The following AGO2 variants were observed in gnomAD, a reference collection of about 807,000 sequenced individuals.
AGO2 encodes the protein protein argonaute-2.
Under a neutral mutation model 102.3 loss-of-function variants are expected in AGO2, and 5 were observed. That is an observed-to-expected ratio of 0.05 (90% CI 0.03 to 0.10). The LOEUF (loss-of-function observed/expected upper bound fraction) is 0.10. Ranked by LOEUF, AGO2 falls within the 10% of genes least tolerant of loss-of-function variation. The pLI, the probability that AGO2 is intolerant of heterozygous loss-of-function variation, is 1.00. For synonymous variants in AGO2, 449 were observed against 473.1 expected, an observed-to-expected ratio of 0.95 and a Z score of 0.66; for missense variants, 541 against 1,183.7, an observed-to-expected ratio of 0.46 and a Z score of 7.97.
intron 1 of AGO2, among the ~76,000 whole-genome samples, chr8:140,618,096 G>T (rs572046262): frequency 3.9e-4 from 60 of 152,206 alleles, no homozygotes; most frequent in African/African-American, 1.4e-3. Flanking sequence ...GAGGTCAGGA[G>T]TTCGAGACCA....
intron 10 of AGO2, among the ~76,000 whole-genome samples, chr8:140,552,728 A>ACG (rs71504805): frequency 0.022 from 2,699 of 123,782 alleles, 28 homozygotes; most frequent in East Asian, 0.044. Context: ...ACGCACATGC[A>ACG]CGCGCGCGCG....
intron 1 of AGO2, among the ~76,000 whole-genome samples, chr8:140,627,182 C>T (rs1457124668): frequency 1.3e-5 from 2 of 152,232 alleles, no homozygotes; most frequent in African/African-American, 4.8e-5. Context: ...AATGTGGGTC[C>T]CACGGGAGGA....
At chr8:140,576,317 AAAAC>A (rs1196737845) in intron 2 of AGO2, among the ~76,000 whole-genome samples, 2 of 152,226 alleles carry the variant, frequency 1.3e-5, no homozygotes, top group African/African-American at 2.4e-5. Context: ...CTCTATCTCA[AAAAC>A]AAACAAACAA....
chr8:140,573,978 T>C (rs2073425382), intron 2 of AGO2, among the ~76,000 whole-genome samples: 1 of 152,166 alleles, frequency 6.6e-6, no homozygotes, highest in Admixed American at 6.5e-5. Context: ...CTCAGCCCAC[T>C]TGCAGAGCCA....
At chr8:140,542,690 G>C (rs1259469209) in intron 14 of AGO2, among the ~76,000 whole-genome samples, 1 of 152,228 alleles carries the variant, frequency 6.6e-6, no homozygotes, top group Non-Finnish European at 1.5e-5. Context: ...TGGGGACAGG[G>C]GAGGGCGCCA....
Position 140,537,094 on chromosome 8 carries a change from G to A in AGO2, c.2170-1525C>T, listed in dbSNP as rs568607545. ...GCTACTCAGCAGTGAATTGAAAGTTGAAAACATTCTTCCACTTCGTTTCTA... is the reference window on the plus strand; with the variant it reads ...GCTACTCAGCAGTGAATTGAAAGTTAAAAACATTCTTCCACTTCGTTTCTA... On this transcript the variant is annotated intron_variant, in intron 16 of 18. Transcript: ENST00000220592. Among the ~76,000 whole-genome samples the A allele has an allele frequency of 3.3e-5, 5 of 152,326 alleles. No homozygotes were observed. The East Asian group carries it at 9.6e-4, about 29-fold the overall frequency.
intron 4 of AGO2, among the ~76,000 whole-genome samples, chr8:140,560,863 C>G (rs2073187409): frequency 6.6e-6 from 1 of 152,256 alleles, no homozygotes; most frequent in South Asian, 2.1e-4. Context: ...CTCTTCACCT[C>G]TTGGGGCCTG....
chr8:140,632,887 T>A (rs1479049793), intron 1 of AGO2, among the ~76,000 whole-genome samples: 5 of 152,062 alleles, frequency 3.3e-5, no homozygotes, highest in Non-Finnish European at 7.4e-5. Context: ...GTAGCAAAAC[T>A]ATTTGTAATT....
At chr8:140,598,336 G>A (rs1226397164) in intron 1 of AGO2, among the ~76,000 whole-genome samples, 4 of 152,230 alleles carry the variant, frequency 2.6e-5, no homozygotes, top group Non-Finnish European at 5.9e-5. Context: ...GGAAGCAGAC[G>A]TTTGCGTTCC....
At chr8:140,610,379 A>T (rs370488684) in intron 1 of AGO2, among the ~76,000 whole-genome samples, 35 of 152,050 alleles carry the variant, frequency 2.3e-4, no homozygotes, top group African/African-American at 8.2e-4. Flanking sequence ...CACCATGCCC[A>T]GCTAATTGTT....
chr8:140,568,413 G>A (rs1228120339), intron 3 of AGO2, among the ~76,000 whole-genome samples: 10 of 152,136 alleles, frequency 6.6e-5, no homozygotes, highest in South Asian at 2.1e-4. Flanking sequence ...CTGAGCCCAC[G>A]GCCTCCCTGT....
Position 140,522,696 on chromosome 8 carries a change from CAGAG to C in AGO2, c.*9344_*9347del, listed in dbSNP as rs1419166247. The C allele has an allele frequency of 9.6e-6, 1 of 103,712 alleles. No homozygotes were observed. The highest frequency in any genetic ancestry group is 4.1e-5 in the African/African-American group (1 of 24,634). The allele number at this position is 103,712 out of a possible 1,614,324, so 6.4% of individuals were successfully genotyped here. A position where few individuals can be genotyped will look rare whatever the true frequency, so the allele number is the denominator to read the frequency against. On this transcript the variant is annotated 3_prime_UTR_variant, in exon 19 of 19. Transcript: ENST00000220592. ...AGAGAGAGAGAGACAGAGACAGAGA[CAGAG>C]AGAGGGAGGGGGAGGGGGGAGAGGG...
chr8:140,551,851 G>T (rs2073005113), intron 10 of AGO2, among the ~76,000 whole-genome samples: 1 of 152,134 alleles, frequency 6.6e-6, no homozygotes, highest in Non-Finnish European at 1.5e-5. Context: ...AGGTGAATGG[G>T]TAAATGGTTG....
intron 2 of AGO2, among the ~76,000 whole-genome samples, chr8:140,574,051 T>C (rs1257231636): frequency 6.6e-6 from 1 of 152,016 alleles, no homozygotes; most frequent in South Asian, 2.1e-4. Flanking sequence ...GGCTCAGGCA[T>C]TCCAATGGCA....
chr8:140,579,092 G>A (rs973884322), intron 2 of AGO2, among the ~76,000 whole-genome samples: 2 of 152,072 alleles, frequency 1.3e-5, no homozygotes, highest in Non-Finnish European at 2.9e-5. Flanking sequence ...GTGTGGTGGT[G>A]CGCGCCTGTG....
At chr8:140,552,250 G>A (rs1373947329) in intron 10 of AGO2, among the ~76,000 whole-genome samples, 3 of 152,348 alleles carry the variant, frequency 2.0e-5, no homozygotes, top group East Asian at 3.9e-4. Context: ...AGCTGTGTCG[G>A]AAACGGGAGC....
At chr8:140,597,771 C>G (rs2073870149) in intron 1 of AGO2, among the ~76,000 whole-genome samples, 1 of 152,124 alleles carries the variant, frequency 6.6e-6, no homozygotes, top group African/African-American at 2.4e-5. Context: ...ACATCTTAGC[C>G]TTTCTGCCTG....
At chr8:140,611,064 CT>C (rs1165860766) in intron 1 of AGO2, among the ~76,000 whole-genome samples, 1 of 152,206 alleles carries the variant, frequency 6.6e-6, no homozygotes, top group Non-Finnish European at 1.5e-5. Context: ...TAGCGGTTCT[CT>C]AAGTGTGGTC....
At chr8:140,631,400 G>T (rs981159057) in intron 1 of AGO2, among the ~76,000 whole-genome samples, 13 of 152,058 alleles carry the variant, frequency 8.5e-5, no homozygotes, top group African/African-American at 2.4e-5. Flanking sequence ...AAATTAGCCG[G>T]ACATGGTGGC....
Sources: allele counts gnomAD v4.1 joint callset (sites outside exome capture counted in the v4.1 genomes callset), GRCh38; gene constraint gnomAD v4.1.1; transcripts MANE v1.5; gene names NCBI Gene and HGNC (gene_info 2026-07-23, HGNC 2026-07-21).